Variants in CERK observed in about 807,000 individuals in gnomAD.
CERK encodes the protein acylsphingosine kinase.
A neutral mutation model predicts 63.4 loss-of-function variants in CERK; 39 were observed. That is an observed-to-expected ratio of 0.61 (90% CI 0.48 to 0.80). The LOEUF (loss-of-function observed/expected upper bound fraction) is 0.80. Ranked by LOEUF, CERK falls within the 30% of genes least tolerant of loss-of-function variation. The pLI is 0.00. For missense variants in CERK, 670 were observed against 714.1 expected (o/e 0.94, Z 0.70); for synonymous variants, 302 against 280.0 (o/e 1.08, Z -0.78).
At chr22:46,732,273 G>C (rs1313014314) in intron 1 of CERK, among the ~76,000 whole-genome samples, 1 of 152,184 alleles carries the variant, frequency 6.6e-6, no homozygotes, top group Non-Finnish European at 1.5e-5. Context: ...CTCGTGCCTG[G>C]AAGTCCACGC....
rs1052634748 is a variant in CERK at position 46,738,056 on chromosome 22, C to G, written c.93G>C (p.Leu31=). ...GCCCCGGGCTCCGCCACCAGCGCAG[C>G]AGAGCCCGCGCGGGCTCCAGGCTCA... is the stretch of plus-strand genomic sequence containing the variant. ...CAVSLEPARA[L]LRWWRSPGPG... Residue 31 remains leucine (L), a synonymous_variant, in exon 1 of 13, where the codon CTG becomes CTC. Coordinates refer to ENST00000216264, the MANE Select transcript of CERK (RefSeq NM_022766.6). 3 of 1,247,216 alleles carry G rather than the reference C, an allele frequency of 2.4e-6. No individual in the cohort carries two copies. The African/African-American group carries it at 4.8e-5, about 20-fold the overall frequency. The allele number at this position is 1,247,216 out of a possible 1,614,324, so 77.3% of individuals were successfully genotyped here.
rs2082985771 is a variant in CERK, at chr22:46,738,178, G to C, written c.-30C>G. ...GCCGCCGGGCTCGTCCGCCAGGCTG[G>C]GGGCGCGCGGACGCCGAGGGGCGCC... On this transcript the variant is annotated 5_prime_UTR_variant, in exon 1 of 13. Coordinates refer to ENST00000216264, the MANE Select transcript of CERK (RefSeq NM_022766.6). 8.9e-7 allele frequency: 1 copy of C among 1,128,898 alleles called. No individual in the cohort carries two copies. Among genetic ancestry groups the C allele is most frequent in the African/African-American group, 1.7e-5 (1 of 60,004 alleles). 69.9% of individuals were successfully genotyped at this position (1,128,898 alleles called of 1,614,324 possible).
chr22:46,730,827 G>C (rs763934650), intron 1 of CERK, among the ~76,000 whole-genome samples: 26 of 152,356 alleles, frequency 1.7e-4, no homozygotes, highest in Non-Finnish European at 2.9e-4. Context: ...GTCTATCTTG[G>C]ATTTGGAACT....
intron 1 of CERK, among the ~76,000 whole-genome samples, chr22:46,732,937 G>A (rs1400188329): frequency 1.3e-5 from 2 of 151,914 alleles, no homozygotes; most frequent in Non-Finnish European, 2.9e-5. Flanking sequence ...GGCCAGGCGC[G>A]GTGGCTCACG....
chr22:46,733,290 T>TTTA lies in CERK; in HGVS notation c.142+4714_142+4716dup, dbSNP rs910526925. ...CACCCCCATCATTTTTTATTTTTAT[T>TTTA]TTATTATTATTATTATTATTTGAGA... On this transcript the variant is annotated intron_variant, in intron 1 of 12. Coordinates refer to ENST00000216264, the MANE Select transcript of CERK (RefSeq NM_022766.6). Among the ~76,000 whole-genome samples the TTTA allele has an allele frequency of 1.3e-4, 20 of 150,962 alleles. 1 individual carries two copies. Among genetic ancestry groups the TTTA allele is most frequent in the East Asian group, 5.8e-4 (3 of 5,168 alleles).
chr22:46,706,306 C>T (rs1011535394), intron 6 of CERK, among the ~76,000 whole-genome samples: 5 of 152,228 alleles, frequency 3.3e-5, no homozygotes, highest in African/African-American at 7.2e-5. Flanking sequence ...CCAGCTCTTC[C>T]GCTCTCCCCA....
chr22:46,724,370 G>C (rs1180788264), intron 1 of CERK, among the ~76,000 whole-genome samples: 2 of 152,342 alleles, frequency 1.3e-5, no homozygotes, highest in Admixed American at 1.3e-4. Context: ...AGTGCTGGGG[G>C]AGTCAAAAGT....
At chr22:46,733,654 A>C (rs185699226) in intron 1 of CERK, among the ~76,000 whole-genome samples, 3 of 152,004 alleles carry the variant, frequency 2.0e-5, no homozygotes, top group African/African-American at 7.3e-5. Flanking sequence ...TATTTCGTCA[A>C]ATAATCTAGC....
At chr22:46,701,609 G>C in intron 7 of CERK, 27 bp downstream of exon 7, 1 of 1,544,908 alleles carries the variant, frequency 6.5e-7, no homozygotes, top group Non-Finnish European at 8.7e-7. Flanking sequence ...GGCTGCCACC[G>C]TGCGCATGCG....
chr22:46,724,128 C>T (rs916585663), intron 1 of CERK, among the ~76,000 whole-genome samples: 6 of 152,182 alleles, frequency 3.9e-5, no homozygotes, highest in African/African-American at 1.4e-4. Flanking sequence ...CCTCCTCAGC[C>T]CACTCAACAT....
chr22:46,691,731 G>A lies in CERK; in HGVS notation c.1173C>T (p.Ile391=). Residue 391 remains isoleucine (I), a synonymous_variant, in exon 11 of 13, where the codon ATC becomes ATT. Coordinates refer to ENST00000216264, the MANE Select transcript of CERK (RefSeq NM_022766.6). ...WQVVCGKFLA[I]NATNMSCACR... ...AAGCACAGGACATGTTTGTGGCATT[G>A]ATGGCCAGAAACTTCCCACAGACGA... 6.2e-7 allele frequency: 1 copy of A among 1,613,278 alleles called. No homozygotes were observed. Among genetic ancestry groups the A allele is most frequent in the South Asian group, 1.1e-5 (1 of 91,062 alleles).
At chr22:46,691,938 G>T (rs761646069) in intron 10 of CERK, among the ~76,000 whole-genome samples, 161 bp from the exon 11 acceptor site, 1 of 152,160 alleles carries the variant, frequency 6.6e-6, no homozygotes, top group East Asian at 1.9e-4. Flanking sequence ...CATCCACCAC[G>T]GAACTGTCCG....
intron 8 of CERK, among the ~76,000 whole-genome samples, chr22:46,695,560 G>A (rs2082752099): frequency 6.6e-6 from 1 of 152,236 alleles, no homozygotes; most frequent in Admixed American, 6.5e-5. Context: ...GTGATGCTGG[G>A]ACAGCCAGGG....
At chr22:46,736,446 G>T (rs1005670296) in intron 1 of CERK, among the ~76,000 whole-genome samples, 1 of 151,822 alleles carries the variant, frequency 6.6e-6, no homozygotes, top group Non-Finnish European at 1.5e-5. Flanking sequence ...TGCATCCCTA[G>T]GACGGGAGCA....
At chr22:46,724,233 TTTC>T (rs140175628) in intron 1 of CERK, among the ~76,000 whole-genome samples, 1,761 of 152,318 alleles carry the variant, frequency 0.012, 51 homozygotes, top group African/African-American at 0.041. Flanking sequence ...TTAACCACGT[TTTC>T]TTTTCTCTAG....
intron 1 of CERK, among the ~76,000 whole-genome samples, chr22:46,724,633 C>A (rs1000244479): frequency 6.6e-6 from 1 of 152,130 alleles, no homozygotes; most frequent in Non-Finnish European, 1.5e-5. Context: ...AGCGATGAAC[C>A]CCATAGGGGA....
At chr22:46,709,869 A>G (rs1271647580) in intron 5 of CERK, among the ~76,000 whole-genome samples, 1 of 152,222 alleles carries the variant, frequency 6.6e-6, no homozygotes, top group African/African-American at 2.4e-5. Context: ...TTAAAAGACA[A>G]TTTCAAAATT....
At chr22:46,712,014 G>C (rs945910495) in intron 4 of CERK, among the ~76,000 whole-genome samples, 154 bp downstream of exon 4, 3 of 152,214 alleles carry the variant, frequency 2.0e-5, no homozygotes, top group African/African-American at 4.8e-5. Context: ...CTGAGTCAAG[G>C]AGGCTGAGGT....
At position 46,714,275 on chromosome 22, in the gene CERK, TAAAC is replaced by T. The variant is rs200669993; in HGVS notation, c.380-1986_380-1983del. Among the ~76,000 whole-genome samples, 133 of 152,070 alleles carry T rather than the reference TAAAC, an allele frequency of 8.7e-4. No individual in the cohort carries two copies. Among genetic ancestry groups the T allele is most frequent in the African/African-American group, 2.6e-3 (109 of 41,490 alleles). The stretch of plus-strand genomic sequence containing the variant: ...GACAGAGTAAGACTCCATGTCAAAA[TAAAC>T]AAACAAACAAACAAATTAGCTGGGT... On this transcript the variant is annotated intron_variant, in intron 3 of 12. Transcript: ENST00000216264. The surrounding 1 kb of genome is among the most constrained non-coding windows in gnomAD (Gnocchi z 4.4).
Sources: gnomAD v4.1 joint callset for allele counts (sites outside exome capture counted in the v4.1 genomes callset) on GRCh38, gnomAD v4.1.1 for gene constraint, Gnocchi (gnomAD v3.1) non-coding constraint, MANE v1.5 for transcripts, NCBI Gene and HGNC (gene_info 2026-07-23, HGNC 2026-07-21) for gene names.